EPM2A: variants seen among roughly 807,000 people sequenced by gnomAD.
EPM2A encodes the protein EPM2A glucan phosphatase, laforin.
In EPM2A, 21 loss-of-function variants were observed where a neutral mutation model predicts 26.5. The observed-to-expected ratio is 0.79, with a 90% CI of 0.56 to 1.14. The LOEUF is 1.14. Among genes scored for constraint, EPM2A ranks in the 50% most tolerant of loss-of-function variants. The pLI is 0.00. For missense variants in EPM2A, 458 were observed against 440.8 expected, an observed-to-expected ratio of 1.04 and a Z score of -0.35; for synonymous variants, 217 against 177.6, an observed-to-expected ratio of 1.22 and a Z score of -1.76.
chr6:145,730,776 T>C (rs1192683443), intron 1 of EPM2A, among the ~76,000 whole-genome samples: 3 of 152,142 alleles, frequency 2.0e-5, no homozygotes, highest in African/African-American at 7.2e-5. Context: ...ATAAGTGATA[T>C]AAGAAAAAGG....
intron 2 of EPM2A, among the ~76,000 whole-genome samples, chr6:145,533,364 C>T (rs1443354210): frequency 3.3e-5 from 5 of 152,158 alleles, no homozygotes; most frequent in African/African-American, 1.2e-4. Context: ...TTTTGCCCCA[C>T]TCTTCTCTAA....
chr6:145,434,226 T>C (rs1471146726), intron 4 of EPM2A, among the ~76,000 whole-genome samples: 1 of 151,856 alleles, frequency 6.6e-6, no homozygotes, highest in African/African-American at 2.4e-5. Context: ...TGATTTTCAA[T>C]TTCTCTTTGT....
At chr6:145,687,335 C>A (rs920213656) in intron 1 of EPM2A, among the ~76,000 whole-genome samples, 1 of 151,450 alleles carries the variant, frequency 6.6e-6, no homozygotes, top group Non-Finnish European at 1.5e-5. Context: ...ATCTGGTATG[C>A]CTCAATCTTA....
In EPM2A at chr6:145,465,534, G is replaced by A. The variant is rs1341336737; in HGVS notation, c.555+36988C>T. 4.2e-5 allele frequency among the ~76,000 whole-genome samples: 6 copies of A among 143,376 alleles called. No homozygotes were observed. The Admixed American group carries it at 4.3e-4, about 10-fold the overall frequency. 94.1% of individuals were successfully genotyped at this position (143,376 alleles called of 152,430 possible). ...GTGAGGAACTGCGTTCCTTTGGAGA[G>A]GAGAGGCGCTCTGCTTTTTAGAGTT... is the stretch of plus-strand genomic sequence containing the variant. On this transcript the variant is annotated intron_variant, in intron 4 of 4. Coordinates refer to the EPM2A transcript ENST00000638717.
chr6:145,455,242 T>C (rs1474601462), intron 4 of EPM2A, among the ~76,000 whole-genome samples: 4 of 152,156 alleles, frequency 2.6e-5, no homozygotes, highest in Non-Finnish European at 5.9e-5. Context: ...AGTAAATATA[T>C]GTATATGAAT....
intron 2 of EPM2A, among the ~76,000 whole-genome samples, chr6:145,516,548 C>A (rs971632206): frequency 2.6e-5 from 4 of 152,170 alleles, no homozygotes; most frequent in Non-Finnish European, 4.4e-5. Flanking sequence ...TGGGCCACCA[C>A]AGCAGAGCCG....
At chr6:145,508,839 A>C (rs982581969) in intron 2 of EPM2A, among the ~76,000 whole-genome samples, 22 of 152,250 alleles carry the variant, frequency 1.4e-4, no homozygotes, top group Admixed American at 1.0e-3. Flanking sequence ...ATCCAACACA[A>C]ACAAGCCAGC....
intron 4 of EPM2A, among the ~76,000 whole-genome samples, chr6:145,447,891 G>A (rs1582763153): frequency 6.6e-6 from 1 of 152,174 alleles, no homozygotes; most frequent in African/African-American, 2.4e-5. Context: ...GTATTATTTT[G>A]TTGGTTAATA....
At chr6:145,672,235 T>C (rs1364442010) in intron 2 of EPM2A, among the ~76,000 whole-genome samples, 1 of 152,238 alleles carries the variant, frequency 6.6e-6, no homozygotes, top group Non-Finnish European at 1.5e-5. Flanking sequence ...TTTCAGTTTA[T>C]TTTATTGCAC....
intron 4 of EPM2A, among the ~76,000 whole-genome samples, chr6:145,461,049 T>C (rs1779323647): frequency 6.6e-6 from 1 of 152,196 alleles, no homozygotes; most frequent in Non-Finnish European, 1.5e-5. Context: ...GCCTGTTTTC[T>C]CACCAGTTCC....
intron 4 of EPM2A, among the ~76,000 whole-genome samples, chr6:145,448,563 T>A (rs1779154178): frequency 6.6e-6 from 1 of 152,160 alleles, no homozygotes; most frequent in African/African-American, 2.4e-5. Context: ...ACTTTTAAAA[T>A]AATGCTTGAT....
intron 4 of EPM2A, among the ~76,000 whole-genome samples, chr6:145,479,273 T>C (rs1372100161): frequency 6.9e-6 from 1 of 144,604 alleles, no homozygotes; most frequent in Non-Finnish European, 1.5e-5. Flanking sequence ...ATTTTAACTA[T>C]ATATATATAT....
At chr6:145,654,960 C>T (rs545300814) in intron 2 of EPM2A, among the ~76,000 whole-genome samples, 3 of 152,130 alleles carry the variant, frequency 2.0e-5, no homozygotes, top group African/African-American at 4.8e-5. Context: ...CTATTTCCTG[C>T]CCTAGACTGT....
intron 2 of EPM2A, among the ~76,000 whole-genome samples, chr6:145,666,304 C>A (rs1779184962): frequency 1.0e-5 from 1 of 98,974 alleles, no homozygotes; most frequent in South Asian, 3.4e-4. Context: ...TGATAAGCAA[C>A]TTCAGCAAAG....
intron 2 of EPM2A, among the ~76,000 whole-genome samples, chr6:145,644,470 T>G (rs1310748240): frequency 2.0e-5 from 3 of 152,104 alleles, no homozygotes; most frequent in African/African-American, 7.2e-5. Context: ...TATATATGGA[T>G]GCTGAAAATT....
At chr6:145,480,643 T>C (rs941874102) in intron 4 of EPM2A, among the ~76,000 whole-genome samples, 47 of 152,180 alleles carry the variant, frequency 3.1e-4, no homozygotes, top group African/African-American at 1.1e-3. Flanking sequence ...TTTTCCTTAC[T>C]ATATCTTGAG....
At chr6:145,708,619 C>G (rs1467134067) in intron 1 of EPM2A, among the ~76,000 whole-genome samples, 1 of 152,212 alleles carries the variant, frequency 6.6e-6, no homozygotes, top group Non-Finnish European at 1.5e-5. Flanking sequence ...ACCTAGATTT[C>G]AGAGGATGTA....
rs76211262 is a variant in EPM2A, at chr6:145,701,832, G to C, written c.302-15536C>G. The stretch of plus-strand genomic sequence containing the variant: ...ATGTATTACATTTTTAATTGCAACT[G>C]ATTTTTATTTAAACAAGTCAGCAGT... On this transcript the variant is annotated intron_variant, in intron 1 of 3. Coordinates refer to ENST00000367519, the MANE Select transcript of EPM2A (RefSeq NM_005670.4). Among the ~76,000 whole-genome samples, 14 of 152,098 alleles carry C rather than the reference G, an allele frequency of 9.2e-5. No individual in the cohort carries two copies. The East Asian group carries it at 2.7e-3, about 29-fold the overall frequency.
At chr6:145,491,503 A>C (rs1023891144) in intron 4 of EPM2A, among the ~76,000 whole-genome samples, 3 of 152,108 alleles carry the variant, frequency 2.0e-5, no homozygotes, top group East Asian at 3.9e-4. Flanking sequence ...TCTGATGTCA[A>C]ACCAGTCTCT....
Sources: allele counts gnomAD v4.1 joint callset (sites outside exome capture counted in the v4.1 genomes callset), GRCh38; gene constraint gnomAD v4.1.1; transcripts MANE v1.5; gene names NCBI Gene and HGNC (gene_info 2026-07-23, HGNC 2026-07-21).